Variants in ZNF101 observed in about 807,000 individuals in gnomAD.
ZNF101 encodes the protein zinc finger protein 101, also known as zinc finger protein 101 (Y2).
Under a neutral mutation model 42.6 loss-of-function variants are expected in ZNF101, and 34 were observed. The ratio of observed to expected loss-of-function variants is 0.80; its 90% CI spans 0.61 to 1.06. The LOEUF (loss-of-function observed/expected upper bound fraction) is 1.06. Among genes scored for constraint, ZNF101 ranks in the 50% least tolerant of loss-of-function variants. ZNF101 has a pLI of 0.00. For synonymous variants in ZNF101, 158 were observed against 183.9 expected (o/e 0.86, Z 1.14); for missense variants, 466 against 530.9 (o/e 0.88, Z 1.20).
At chr19:19,675,283 G>A (rs963073315) in intron 1 of ZNF101, among the ~76,000 whole-genome samples, 6 of 151,816 alleles carry the variant, frequency 4.0e-5, no homozygotes, top group African/African-American at 9.7e-5. Context: ...GATTACCGGC[G>A]TCCACCACCA....
chr19:19,679,442 T>C lies in ZNF101; in HGVS notation c.453T>C (p.Ile151=), dbSNP rs1220574476. 1 of 1,613,994 alleles carries C rather than the reference T, an allele frequency of 6.2e-7. No individual in the cohort carries two copies. Among genetic ancestry groups the C allele is most frequent in the Admixed American group, 1.7e-5 (1 of 60,004 alleles). ...RKQKQHGKAS[I]SPSSGARRTV... Reference sequence around the variant, plus strand: ...AGAAACAACATGGGAAAGCCTCCATTTCCCCCAGTAGTGGTGCACGGCGCA... The same window carrying C: ...AGAAACAACATGGGAAAGCCTCCATCTCCCCCAGTAGTGGTGCACGGCGCA... The change falls in exon 4 of 4, where the codon ATT becomes ATC. Residue 151 remains isoleucine, a synonymous_variant. Transcript: ENST00000592502.
chr19:19,669,076 C>A (rs190511995), intron 1 of ZNF101, 110 bp downstream of exon 1: 154 of 1,417,638 alleles, frequency 1.1e-4, no homozygotes, highest in Middle Eastern at 2.5e-4. Flanking sequence ...GGACCCGAGT[C>A]CCCCAGGCGC....
Position 19,679,626 on chromosome 19 carries a change from C to T in ZNF101, c.637C>T (p.Arg213Ter), listed in dbSNP as rs562841661. Residue 213 changes from arginine (R) to a stop codon, truncating the protein, a stop_gained, in exon 4 of 4, where the codon CGA becomes TGA. Coordinates refer to ENST00000592502, the MANE Select transcript of ZNF101 (RefSeq NM_033204.4). LOFTEE classifies it high-confidence loss of function. The part of the protein sequence containing the change: ...VRAFTVSSFF[R>*]KHGKMHTGEK... Reference sequence around the variant, plus strand: ...AGCCTTCACAGTTTCCAGTTTCTTTCGAAAACATGGAAAAATGCATACTGG... The same window carrying T: ...AGCCTTCACAGTTTCCAGTTTCTTTTGAAAACATGGAAAAATGCATACTGG... 27 of 1,612,636 alleles carry T rather than the reference C, an allele frequency of 1.7e-5. No homozygotes were observed. The highest frequency in any genetic ancestry group is 1.1e-4 in the African/African-American group (8 of 74,886).
chr19:19,678,644 C>A (rs1357110350), intron 2 of ZNF101, 82 bp from the exon 3 acceptor site: 59 of 1,176,932 alleles, frequency 5.0e-5, no homozygotes, highest in Non-Finnish European at 6.6e-5. Context: ...GGCATTGTGG[C>A]AGTGTTTAAT....
rs1401881422 is a variant in ZNF101 at position 19,680,656 on chromosome 19, T to G, written c.*356T>G. The G allele has an allele frequency of 6.4e-6, 1 of 155,088 alleles. No individual in the cohort carries two copies. The highest frequency in any genetic ancestry group is 1.4e-5 in the Non-Finnish European group (1 of 71,318). 9.6% of individuals were successfully genotyped at this position (155,088 alleles called of 1,614,324 possible). A position where few individuals can be genotyped will look rare whatever the true frequency, so the allele number is the denominator to read the frequency against. On this transcript the variant is annotated 3_prime_UTR_variant, in exon 4 of 4. Transcript: ENST00000592502. ...AAAAAGCCCCATATCACGTGGTGGC[T>G]CATGCCTGTAAAACCAGCACTTTGG...
In ZNF101 at chr19:19,680,325, G is replaced by A. The variant is rs775095556; in HGVS notation, c.*25G>A. 8 of 1,337,168 alleles carry A rather than the reference G, an allele frequency of 6.0e-6. No individual in the cohort carries two copies. In the East Asian group the frequency reaches 1.7e-4, roughly 29 times the overall value. The allele number at this position is 1,337,168 out of a possible 1,614,324, so 82.8% of individuals were successfully genotyped here. A position where few individuals can be genotyped will look rare whatever the true frequency, so the allele number is the denominator to read the frequency against. On this transcript the variant is annotated 3_prime_UTR_variant, in exon 4 of 4. Transcript: ENST00000592502. ...AGACCAGCCTGGGCAACATAAGAAG[G>A]CCCCATATCGGCTGGGTACGGTGGC... is the stretch of plus-strand genomic sequence containing the variant.
At chr19:19,671,577 G>C (rs1486738606) in intron 1 of ZNF101, among the ~76,000 whole-genome samples, 2 of 150,396 alleles carry the variant, frequency 1.3e-5, no homozygotes, top group Admixed American at 1.3e-4. Context: ...TCGGCTCACT[G>C]CAAGCTCCGC....
At chr19:19,673,433 A>G (rs1042642611) in intron 1 of ZNF101, among the ~76,000 whole-genome samples, 26 of 151,562 alleles carry the variant, frequency 1.7e-4, no homozygotes, top group African/African-American at 6.3e-4. Context: ...TATTTTCAGT[A>G]GAGACAGGGT....
chr19:19,670,145 T>G (rs1379621298), intron 1 of ZNF101, among the ~76,000 whole-genome samples: 5 of 152,166 alleles, frequency 3.3e-5, no homozygotes, highest in East Asian at 1.9e-4. Flanking sequence ...TTCCTGGTTG[T>G]TTGATGAGCC....
At chr19:19,672,520 T>A (rs977299782) in intron 1 of ZNF101, among the ~76,000 whole-genome samples, 1 of 151,804 alleles carries the variant, frequency 6.6e-6, no homozygotes, top group Non-Finnish European at 1.5e-5. Context: ...CAGCCCTATA[T>A]GCATTTTAGA....
chr19:19,682,109 G>A lies in ZNF101; in HGVS notation c.*1809G>A, dbSNP rs1292391637. ...GGCTAATTTTTTTGTATTTTTAGTA[G>A]AGACGGGGCTTCACCATGTGGTTCA... On this transcript the variant is annotated 3_prime_UTR_variant, in exon 4 of 4. Transcript: ENST00000592502. 1 of 151,682 alleles carries A rather than the reference G, an allele frequency of 6.6e-6. No individual in the cohort carries two copies. Among genetic ancestry groups the A allele is most frequent in the Non-Finnish European group, 1.5e-5 (1 of 67,984 alleles). 9.4% of individuals were successfully genotyped at this position (151,682 alleles called of 1,614,324 possible). A position where few individuals can be genotyped will look rare whatever the true frequency, so the allele number is the denominator to read the frequency against.
At chr19:19,670,815 G>A (rs989117509) in intron 1 of ZNF101, among the ~76,000 whole-genome samples, 7 of 151,298 alleles carry the variant, frequency 4.6e-5, no homozygotes, top group African/African-American at 1.7e-4. Flanking sequence ...ACAAAAAAAA[G>A]GCATGGTAGG....
chr19:19,679,029 A>T, intron 3 of ZNF101, 152 bp from the exon 4 acceptor site: 1 of 1,343,716 alleles, frequency 7.4e-7, no homozygotes, highest in Non-Finnish European at 9.9e-7. Context: ...GGGTAGCAGA[A>T]TCATCAATAC....
chr19:19,670,348 A>G (rs965127852), intron 1 of ZNF101, among the ~76,000 whole-genome samples: 2 of 152,160 alleles, frequency 1.3e-5, no homozygotes, highest in Non-Finnish European at 2.9e-5. Context: ...GGCCCAAGCA[A>G]TCCTCCTGCC....
chr19:19,668,777 G>A, upstream of ZNF101: 1 of 652,000 alleles, frequency 1.5e-6, no homozygotes. Context: ...GTCCAATCAG[G>A]TGCGCCGGGA....
At chr19:19,678,222 T>C (rs931186950) in intron 2 of ZNF101, among the ~76,000 whole-genome samples, 13 of 148,398 alleles carry the variant, frequency 8.8e-5, no homozygotes, top group African/African-American at 3.0e-4. Context: ...TGAGACCCTG[T>C]CTCTTTAAAA....
At position 19,679,176 on chromosome 19, in the gene ZNF101, C is replaced by G; in HGVS notation, c.192-5C>G. 1 of 1,607,580 alleles carries G rather than the reference C, an allele frequency of 6.2e-7. No individual in the cohort carries two copies. The highest frequency in any genetic ancestry group is 8.5e-7 in the Non-Finnish European group (1 of 1,175,638). On this transcript the variant is annotated splice_region_variant and splice_polypyrimidine_tract_variant and intron_variant, in intron 3 of 3. Coordinates refer to ENST00000592502, the MANE Select transcript of ZNF101 (RefSeq NM_033204.4). Reference sequence around the variant, plus strand: ...CATTGATAATGCGTTTGTCATTTTTCATAGAAGTCTGGTGGAGAGACTCTG... The same window carrying G: ...CATTGATAATGCGTTTGTCATTTTTGATAGAAGTCTGGTGGAGAGACTCTG...
rs2145061028 is a variant in ZNF101, at chr19:19,680,084, A to G, written c.1095A>G (p.Pro365=). The G allele has an allele frequency of 8.7e-6, 14 of 1,614,092 alleles. No homozygotes were observed. The highest frequency in any genetic ancestry group is 1.6e-4 in the Middle Eastern group (1 of 6,062). The change falls in exon 4 of 4, where the codon CCA becomes CCG. Residue 365 remains proline (P), a synonymous_variant. Transcript: ENST00000592502. ...RHKKTHSGEK[P]YECTRCGKAF... ...AAAAAACTCATAGTGGAGAAAAGCC[A>G]TATGAATGTACAAGGTGTGGTAAAG...
Position 19,679,986 on chromosome 19 carries a change from A to C in ZNF101, c.997A>C (p.Thr333Pro). Reference protein sequence around the residue: ...TSLQAHERAHTGERPYECNKC... With the variant: ...TSLQAHERAHPGERPYECNKC... ...CCTTCAAGCACATGAAAGAGCTCACACTGGAGAAAGACCTTATGAATGTAA... is the reference window on the plus strand; with the variant it reads ...CCTTCAAGCACATGAAAGAGCTCACCCTGGAGAAAGACCTTATGAATGTAA... The change falls in exon 4 of 4, where the codon ACT (threonine) becomes CCT (proline). Residue 333 changes from threonine (T) to proline (P), a missense_variant. Coordinates refer to ENST00000592502, the MANE Select transcript of ZNF101 (RefSeq NM_033204.4). 6.2e-7 allele frequency: 1 copy of C among 1,613,996 alleles called. No individual in the cohort carries two copies. Among genetic ancestry groups the C allele is most frequent in the East Asian group, 2.2e-5 (1 of 44,884 alleles).
Sources: allele counts gnomAD v4.1 joint callset (sites outside exome capture counted in the v4.1 genomes callset), GRCh38; gene constraint gnomAD v4.1.1; transcripts MANE v1.5; gene names NCBI Gene and HGNC (gene_info 2026-07-23, HGNC 2026-07-21).